HEATR5B: variants seen among roughly 807,000 people sequenced by gnomAD.
The protein encoded by HEATR5B is HEAT repeat containing 5B.
A neutral mutation model predicts 224.1 loss-of-function variants in HEATR5B; 156 were observed. That is an observed-to-expected ratio of 0.70 (90% CI 0.61 to 0.80). The LOEUF (loss-of-function observed/expected upper bound fraction) is 0.80. Ranked by LOEUF, HEATR5B falls within the 30% of genes least tolerant of loss-of-function variation. HEATR5B has a pLI of 0.00. For synonymous variants in HEATR5B, 1,027 were observed against 893.0 expected (o/e 1.15, Z -2.68); for missense variants, 2,323 against 2,535.5 (o/e 0.92, Z 1.80).
chr2:37,070,299 T>C lies in HEATR5B; in HGVS notation c.858A>G (p.Leu286=), dbSNP rs769697950. ...CTTTTAACATTTCTCCACCGCTCTT[T>C]AAGAAACCTGACCCTCCACGCAGAA... ...TGFLRGGSGF[L]KSGGEMLKVG... The change falls in exon 7 of 36, where the codon TTA becomes TTG. Residue 286 remains leucine, a synonymous_variant. Transcript: ENST00000233099. The C allele has an allele frequency of 6.2e-7, 1 of 1,614,152 alleles. No homozygotes were observed. Among genetic ancestry groups the C allele is most frequent in the East Asian group, 2.2e-5 (1 of 44,882 alleles).
At chr2:37,077,164 C>T in intron 3 of HEATR5B, 145 bp from the exon 4 acceptor site, 1 of 641,336 alleles carries the variant, frequency 1.6e-6, no homozygotes, top group Non-Finnish European at 2.8e-6. Flanking sequence ...ATTTATGCTT[C>T]ATAACTGCAA....
intron 33 of HEATR5B, among the ~76,000 whole-genome samples, chr2:36,993,661 G>A (rs542076363): frequency 6.6e-6 from 1 of 152,158 alleles, no homozygotes; most frequent in South Asian, 2.1e-4. Flanking sequence ...TCATAGTGGG[G>A]AAACACGGCA....
chr2:37,074,356 G>A (rs1572942796), intron 5 of HEATR5B, among the ~76,000 whole-genome samples: 1 of 144,534 alleles, frequency 6.9e-6, no homozygotes. Context: ...ACTGGAAGAA[G>A]TGGATATCCA....
chr2:37,028,312 A>T (rs1668908868), intron 23 of HEATR5B, 138 bp from the exon 24 acceptor site: 7 of 525,914 alleles, frequency 1.3e-5, no homozygotes, highest in African/African-American at 2.0e-5. Context: ...AACTAGCAGA[A>T]TTTTTTTTAA....
intron 12 of HEATR5B, 101 bp downstream of exon 12, chr2:37,060,480 C>G: frequency 2.2e-6 from 2 of 923,436 alleles, no homozygotes; most frequent in Non-Finnish European, 3.1e-6. Context: ...TTTATCATTA[C>G]CTAGTAAAAT....
rs560027217 is a variant in HEATR5B at position 37,012,394 on chromosome 2, A to T, written c.4284+1447T>A. ...TGTGTGCAGTTTTTTAATTAATTAA[A>T]TTTTTTTTTTTTGAGACAAGAGTCT... is the stretch of plus-strand genomic sequence containing the variant. On this transcript the variant is annotated intron_variant, in intron 27 of 35. Transcript: ENST00000233099. Among the ~76,000 whole-genome samples the T allele has an allele frequency of 1.7e-4, 25 of 148,054 alleles. No homozygotes were observed. In the East Asian group the frequency reaches 2.0e-3, roughly 12 times the overall value.
chr2:37,014,166 A>C, intron 26 of HEATR5B, 146 bp from the exon 27 acceptor site: 1 of 422,608 alleles, frequency 2.4e-6, no homozygotes, highest in Non-Finnish European at 4.2e-6. Context: ...CTTTGATATT[A>C]TTATTATTAT....
intron 17 of HEATR5B, among the ~76,000 whole-genome samples, chr2:37,051,573 T>A (rs1670553200): frequency 6.6e-6 from 1 of 152,006 alleles, no homozygotes; most frequent in Admixed American, 6.6e-5. Flanking sequence ...AAAAGTGTAA[T>A]CTGTACAGCA....
At chr2:37,004,943 A>T (rs1046536394) in intron 30 of HEATR5B, among the ~76,000 whole-genome samples, 1 of 152,112 alleles carries the variant, frequency 6.6e-6, no homozygotes, top group Non-Finnish European at 1.5e-5. Context: ...CTTACAAACC[A>T]ACCTACCTCT....
Position 37,049,789 on chromosome 2 carries a change from G to A in HEATR5B, c.2560C>T (p.Leu854=). ...LGPEEVRKSA[L]TLVMGPLDNP... ...TCCAGAGGACCCATAACCAGTGTCA[G>A]GGCAGATTTACGAACTTCCTCAGGT... Residue 854 remains leucine (L), a synonymous_variant, in exon 18 of 36, where the codon CTG becomes TTG. Transcript: ENST00000233099. 2 of 1,608,338 alleles carry A rather than the reference G, an allele frequency of 1.2e-6. No individual in the cohort carries two copies. Among genetic ancestry groups the A allele is most frequent in the Non-Finnish European group, 1.7e-6 (2 of 1,178,874 alleles).
At chr2:36,996,217 C>A (rs1031140788) in intron 33 of HEATR5B, among the ~76,000 whole-genome samples, 2 of 150,858 alleles carry the variant, frequency 1.3e-5, no homozygotes. Flanking sequence ...CCTGCCACCA[C>A]GCCCAGCTAA....
intron 22 of HEATR5B, among the ~76,000 whole-genome samples, chr2:37,030,263 C>A (rs1032292816): frequency 7.2e-5 from 11 of 152,004 alleles, no homozygotes; most frequent in Admixed American, 7.2e-4. Context: ...GAGTGACATT[C>A]TAAAACAATA....
In HEATR5B at chr2:37,075,484, C is replaced by T; in HGVS notation, c.597+1G>A. 6.2e-7 allele frequency: 1 copy of T among 1,610,566 alleles called. No homozygotes were observed. Among genetic ancestry groups the T allele is most frequent in the South Asian group, 1.1e-5 (1 of 90,590 alleles). On this transcript the variant is annotated splice_donor_variant, in intron 5 of 35. Transcript: ENST00000233099. LOFTEE classifies it high-confidence loss of function. ...GTATTCTAAATTGGTCGAGTACTAA[C>T]CTTGGCCACTGCACATCGAACAGCC...
At chr2:37,063,274 G>A (rs767773237) in intron 10 of HEATR5B, among the ~76,000 whole-genome samples, 11 of 152,152 alleles carry the variant, frequency 7.2e-5, no homozygotes, top group Non-Finnish European at 1.5e-4. Flanking sequence ...ATTTGGTGCA[G>A]CTGAATAAGA....
intron 18 of HEATR5B, among the ~76,000 whole-genome samples, chr2:37,048,078 G>A (rs931644797): frequency 6.6e-6 from 1 of 152,094 alleles, no homozygotes; most frequent in African/African-American, 2.4e-5. Flanking sequence ...GGCAAGCACT[G>A]ATGATACTTG....
chr2:36,983,255 G>A (rs191771784), intron 35 of HEATR5B, among the ~76,000 whole-genome samples: 1,559 of 151,752 alleles, frequency 0.01, 7 homozygotes, highest in Non-Finnish European at 0.016. Flanking sequence ...AGGGGTAGGC[G>A]CGGTGGGCTC....
intron 35 of HEATR5B, among the ~76,000 whole-genome samples, chr2:36,982,262 C>T (rs1187143094): frequency 6.6e-6 from 1 of 152,058 alleles, no homozygotes; most frequent in African/African-American, 2.4e-5. Flanking sequence ...TCATCATCCC[C>T]CAAAACTCAC....
intron 22 of HEATR5B, 52 bp from the exon 23 acceptor site, chr2:37,028,972 T>C (rs758789315): frequency 1.9e-6 from 3 of 1,561,924 alleles, no homozygotes; most frequent in African/African-American, 1.4e-5. Context: ...GTGTACGCTA[T>C]AGGTAACAAT....
At chr2:37,049,085 C>T (rs1421287119) in intron 18 of HEATR5B, among the ~76,000 whole-genome samples, 1 of 152,156 alleles carries the variant, frequency 6.6e-6, no homozygotes, top group Non-Finnish European at 1.5e-5. Context: ...CTAATAACTG[C>T]AACTCATCAT....
Sources: allele counts gnomAD v4.1 joint callset (sites outside exome capture counted in the v4.1 genomes callset), GRCh38; gene constraint gnomAD v4.1.1; transcripts MANE v1.5; gene names NCBI Gene and HGNC (gene_info 2026-07-23, HGNC 2026-07-21).